DLGAP2: variants seen among roughly 807,000 people sequenced by gnomAD.
The protein encoded by DLGAP2 is disks large-associated protein 2.
In DLGAP2, 26 loss-of-function variants were observed where a neutral mutation model predicts 100.3. That is an observed-to-expected ratio of 0.26 (90% confidence interval 0.19 to 0.36). The LOEUF is 0.36. Among genes scored for constraint, DLGAP2 ranks in the 10% least tolerant of loss-of-function variants. The pLI is 1.00. For missense variants in DLGAP2, 1,858 were observed against 1,453.2 expected, an observed-to-expected ratio of 1.28 and a Z score of -4.53; for synonymous variants, 886 against 630.1, an observed-to-expected ratio of 1.41 and a Z score of -6.08.
chr8:1,267,122 C>A (rs1264504243), intron 3 of DLGAP2, among the ~76,000 whole-genome samples: 2 of 151,800 alleles, frequency 1.3e-5, no homozygotes, highest in East Asian at 3.9e-4. Flanking sequence ...GTCCCAGCTA[C>A]CCCTGAGACT....
At chr8:1,048,670 ATGT>A (rs1802586913) in intron 2 of DLGAP2, among the ~76,000 whole-genome samples, 1 of 151,812 alleles carries the variant, frequency 6.6e-6, no homozygotes, top group Non-Finnish European at 1.5e-5. Flanking sequence ...GGGTGCTGTG[ATGT>A]TGTTTGAATG....
intron 1 of DLGAP2, among the ~76,000 whole-genome samples, chr8:881,666 A>ATGTGT: frequency 7.6e-6 from 1 of 131,048 alleles, no homozygotes; most frequent in African/African-American, 2.7e-5. Context: ...CTTGTGGCTG[A>ATGTGT]ACACACACAC....
chr8:1,540,527 T>A lies in DLGAP2; in HGVS notation c.173-8099T>A, dbSNP rs372660564. Among the ~76,000 whole-genome samples the A allele has an allele frequency of 9.9e-4, 150 of 152,104 alleles. 3 individuals are homozygous for A. The highest frequency in any genetic ancestry group is 3.5e-3 in the African/African-American group (144 of 41,480). On this transcript the variant is annotated intron_variant, in intron 4 of 14. Transcript: ENST00000637795. Reference sequence around the variant, plus strand: ...CCAATTCTGTAATTCTATGACCTCATGAGAAAAGAAAAAAAAACACCCACC... The same window carrying A: ...CCAATTCTGTAATTCTATGACCTCAAGAGAAAAGAAAAAAAAACACCCACC...
At chr8:1,328,946 ACT>A (rs1801085960) in intron 3 of DLGAP2, among the ~76,000 whole-genome samples, 1 of 152,118 alleles carries the variant, frequency 6.6e-6, no homozygotes. Context: ...CAGCACTAAC[ACT>A]CTGAGTAGCT....
chr8:789,924 G>A (rs185595428), intron 1 of DLGAP2, among the ~76,000 whole-genome samples: 1 of 152,188 alleles, frequency 6.6e-6, no homozygotes, highest in South Asian at 2.1e-4. Context: ...CTGCACCCCT[G>A]ACCCACTGTG....
Position 837,572 on chromosome 8 carries a change from C to G in DLGAP2, c.19-70340C>G, listed in dbSNP as rs1333408800. On this transcript the variant is annotated intron_variant, in intron 1 of 14. Transcript: ENST00000637795. ...TTTATTTGCCTGCCTGACCTAAGGC[C>G]GTGCTCAGGCCGCAGGCAGCGGTCT... is the stretch of plus-strand genomic sequence containing the variant. Among the ~76,000 whole-genome samples the G allele has an allele frequency of 6.6e-5, 10 of 151,990 alleles. No homozygotes were observed. The East Asian group carries it at 7.7e-4, about 12-fold the overall frequency.
At chr8:1,293,770 C>G (rs923391711) in intron 3 of DLGAP2, among the ~76,000 whole-genome samples, 1 of 152,092 alleles carries the variant, frequency 6.6e-6, no homozygotes, top group African/African-American at 2.4e-5. Flanking sequence ...GAAGTGAATC[C>G]CAGAGTCTCC....
At chr8:815,982 A>G (rs1796468928) in intron 1 of DLGAP2, among the ~76,000 whole-genome samples, 1 of 152,120 alleles carries the variant, frequency 6.6e-6, no homozygotes, top group South Asian at 2.1e-4. Flanking sequence ...GTCTTTTTAA[A>G]ATGCTGTTGC....
intron 1 of DLGAP2, among the ~76,000 whole-genome samples, chr8:805,137 A>G (rs1000090117): frequency 2.0e-5 from 3 of 152,168 alleles, no homozygotes; most frequent in African/African-American, 7.2e-5. Context: ...TTTGCCCCCT[A>G]GGCAAACTAT....
chr8:1,614,550 A>G (rs1797087058), intron 6 of DLGAP2, among the ~76,000 whole-genome samples: 1 of 152,170 alleles, frequency 6.6e-6, no homozygotes, highest in Non-Finnish European at 1.5e-5. Context: ...GACTTACCGG[A>G]CGACCTTGTG....
intron 2 of DLGAP2, among the ~76,000 whole-genome samples, chr8:1,111,355 G>A (rs1804952889): frequency 6.6e-6 from 1 of 151,988 alleles, no homozygotes; most frequent in African/African-American, 2.4e-5. Context: ...TCACGTTCCA[G>A]TCCCCATTTT....
intron 3 of DLGAP2, among the ~76,000 whole-genome samples, chr8:1,425,797 G>A (rs984000145): frequency 9.9e-5 from 15 of 152,206 alleles, no homozygotes; most frequent in Non-Finnish European, 2.1e-4. Flanking sequence ...GATGAGCCCA[G>A]GGGATGTCAG....
chr8:1,481,256 T>C (rs1190328525), intron 3 of DLGAP2, among the ~76,000 whole-genome samples: 2 of 152,134 alleles, frequency 1.3e-5, no homozygotes, highest in Non-Finnish European at 2.9e-5. Context: ...GAGCCTAGTT[T>C]TACGTTTTCC....
intron 2 of DLGAP2, among the ~76,000 whole-genome samples, chr8:1,061,771 G>T (rs1449013541): frequency 6.6e-6 from 1 of 152,018 alleles, no homozygotes; most frequent in Non-Finnish European, 1.5e-5. Flanking sequence ...CTCGGAGGTT[G>T]CACTGAGCCA....
chr8:1,196,258 A>T (rs1443412871), intron 2 of DLGAP2, among the ~76,000 whole-genome samples: 1 of 152,174 alleles, frequency 6.6e-6, no homozygotes, highest in African/African-American at 2.4e-5. Flanking sequence ...TGTGTGTGTA[A>T]ATGCATCTGC....
chr8:1,239,448 T>C (rs1447155007), intron 2 of DLGAP2, among the ~76,000 whole-genome samples: 1 of 25,216 alleles, frequency 4.0e-5, no homozygotes, highest in South Asian at 2.0e-3. Flanking sequence ...CATGGTGCTA[T>C]GTCTAGATCT....
chr8:1,457,975 C>CATATACATATATATATATATATAT, intron 3 of DLGAP2, among the ~76,000 whole-genome samples: 1 of 107,768 alleles, frequency 9.3e-6, no homozygotes, highest in East Asian at 2.3e-4. Context: ...GTTCTCTGAT[C>CATATACATATATATATATATATAT]ATATATATAT....
chr8:770,140 A>G (rs897218873), intron 1 of DLGAP2, among the ~76,000 whole-genome samples: 2 of 152,240 alleles, frequency 1.3e-5, no homozygotes, highest in Admixed American at 1.3e-4. Context: ...AGAAACATAC[A>G]TTATCCCTAT....
At chr8:1,311,155 A>T (rs1800605248) in intron 3 of DLGAP2, among the ~76,000 whole-genome samples, 2 of 152,216 alleles carry the variant, frequency 1.3e-5, no homozygotes, top group South Asian at 4.1e-4. Flanking sequence ...GAACAATTGT[A>T]CACCAATAAA....
Sources: allele counts gnomAD v4.1 joint callset (sites outside exome capture counted in the v4.1 genomes callset), GRCh38; gene constraint gnomAD v4.1.1; transcripts MANE v1.5; gene names NCBI Gene and HGNC (gene_info 2026-07-23, HGNC 2026-07-21).